GALNT13: variants seen among roughly 807,000 people sequenced by gnomAD.
The protein encoded by GALNT13 is polypeptide N-acetylgalactosaminyltransferase 13, also known as UDP-GalNAc:polypeptide N-acetylgalactosaminyltransferase 13.
In GALNT13, 28 loss-of-function variants were observed where a neutral mutation model predicts 64.2. The observed-to-expected ratio is 0.44, with a 90% CI of 0.32 to 0.60. The LOEUF is 0.60. GALNT13 is among the 20% of genes least tolerant of loss of function. The pLI is 0.05. For synonymous variants in GALNT13, 214 were observed against 224.6 expected (o/e 0.95, Z 0.42); for missense variants, 577 against 669.8 (o/e 0.86, Z 1.53).
the GALNT13 span, among the ~76,000 whole-genome samples, chr2:153,197,952 C>T: frequency 6.6e-6 from 1 of 152,184 alleles, no homozygotes; most frequent in Non-Finnish European, 1.5e-5. Context: ...CTTGGGCTCC[C>T]TTTGTCCTGG....
At chr2:153,479,454 A>G in the GALNT13 span, among the ~76,000 whole-genome samples, 1 of 152,174 alleles carries the variant, frequency 6.6e-6, no homozygotes, top group Non-Finnish European at 1.5e-5. Context: ...GGCAGGTTTT[A>G]CCGTGAGGTT....
At chr2:154,117,735 G>A (rs1172037361) in intron 3 of GALNT13, among the ~76,000 whole-genome samples, 1 of 152,132 alleles carries the variant, frequency 6.6e-6, no homozygotes, top group African/African-American at 2.4e-5. Flanking sequence ...CATAAAGTGG[G>A]GGAAAGGACT....
the GALNT13 span, among the ~76,000 whole-genome samples, chr2:153,352,719 T>C: frequency 6.6e-6 from 1 of 152,140 alleles, no homozygotes; most frequent in African/African-American, 2.4e-5. Flanking sequence ...TGCTATATTC[T>C]CTTCATTGTA....
intron 11 of GALNT13, among the ~76,000 whole-genome samples, chr2:154,410,358 A>C (rs1033009686): frequency 2.6e-5 from 4 of 151,952 alleles, no homozygotes; most frequent in Non-Finnish European, 4.4e-5. Context: ...TTAGGACCTC[A>C]ATGATTTCAT....
At chr2:153,561,324 C>T in the GALNT13 span, among the ~76,000 whole-genome samples, 1 of 151,796 alleles carries the variant, frequency 6.6e-6, no homozygotes, top group African/African-American at 2.4e-5. Flanking sequence ...AGAGGTGTTT[C>T]AGATTTCATT....
chr2:153,643,232 A>C, the GALNT13 span, among the ~76,000 whole-genome samples: 1 of 151,492 alleles, frequency 6.6e-6, no homozygotes. Context: ...TGTAATGACT[A>C]GTAAAATAAA....
At chr2:153,726,556 C>A in the GALNT13 span, among the ~76,000 whole-genome samples, 1 of 152,102 alleles carries the variant, frequency 6.6e-6, no homozygotes, top group East Asian at 1.9e-4. Context: ...AAACTTCTAC[C>A]TGCTTATTTT....
chr2:154,059,700 A>C (rs1341429930), intron 3 of GALNT13, among the ~76,000 whole-genome samples: 3 of 147,538 alleles, frequency 2.0e-5, no homozygotes, highest in African/African-American at 5.1e-5. Flanking sequence ...GGATTTTTGT[A>C]ATATATAGTT....
At chr2:153,189,298 G>C in the GALNT13 span, among the ~76,000 whole-genome samples, 1 of 151,972 alleles carries the variant, frequency 6.6e-6, no homozygotes, top group Non-Finnish European at 1.5e-5. Flanking sequence ...CATTTTTTTA[G>C]CTGTAACATA....
the GALNT13 span, among the ~76,000 whole-genome samples, chr2:153,491,684 G>A: frequency 5.9e-3 from 898 of 151,998 alleles, 7 homozygotes; most frequent in African/African-American, 0.02. Flanking sequence ...GCAGTGGCGT[G>A]ATCTTGGCTC....
At chr2:153,484,594 C>T in the GALNT13 span, among the ~76,000 whole-genome samples, 5 of 152,154 alleles carry the variant, frequency 3.3e-5, no homozygotes, top group Non-Finnish European at 7.4e-5. Flanking sequence ...ATGCAAACAC[C>T]CATTTTATCC....
At chr2:154,335,937 A>G (rs977896180) in intron 9 of GALNT13, among the ~76,000 whole-genome samples, 1 of 151,748 alleles carries the variant, frequency 6.6e-6, no homozygotes, top group Non-Finnish European at 1.5e-5. Flanking sequence ...AAATTTATGT[A>G]TTTTTTTTAG....
chr2:153,248,216 G>A, the GALNT13 span, among the ~76,000 whole-genome samples: 1 of 152,130 alleles, frequency 6.6e-6, no homozygotes, highest in African/African-American at 2.4e-5. Context: ...ATTTCATGAG[G>A]CCAGCATCAT....
At chr2:154,319,441 G>A (rs900643566) in intron 9 of GALNT13, among the ~76,000 whole-genome samples, 3 of 152,058 alleles carry the variant, frequency 2.0e-5, no homozygotes, top group African/African-American at 7.2e-5. Flanking sequence ...CGAGGTGGGT[G>A]GATCACTTGA....
chr2:153,707,117 A>G, the GALNT13 span, among the ~76,000 whole-genome samples: 5 of 152,112 alleles, frequency 3.3e-5, no homozygotes, highest in Admixed American at 1.3e-4. Context: ...CTTGCCTTCC[A>G]CCATGATTGT....
intron 4 of GALNT13, among the ~76,000 whole-genome samples, chr2:154,144,916 A>G (rs547121533): frequency 6.6e-6 from 1 of 151,636 alleles, no homozygotes; most frequent in South Asian, 2.1e-4. Context: ...ATGTAATCCT[A>G]ATTTTTTTGA....
At chr2:153,227,015 G>C in the GALNT13 span, among the ~76,000 whole-genome samples, 1 of 152,156 alleles carries the variant, frequency 6.6e-6, no homozygotes, top group South Asian at 2.1e-4. Flanking sequence ...TCTTGAAGGA[G>C]AGAGTGGGGC....
intron 11 of GALNT13, among the ~76,000 whole-genome samples, chr2:154,422,891 G>C (rs935756686): frequency 3.3e-5 from 5 of 152,050 alleles, no homozygotes; most frequent in Non-Finnish European, 5.9e-5. Context: ...AGTTAACCAA[G>C]TGACCCGTGA....
chr2:153,761,326 C>G, the GALNT13 span: 2 of 152,048 alleles, frequency 1.3e-5, no homozygotes, highest in African/African-American at 2.4e-5. Flanking sequence ...ATTTTAAAAA[C>G]ATTATTATAA....
Sources: gnomAD v4.1 joint callset for allele counts (sites outside exome capture counted in the v4.1 genomes callset) on GRCh38, gnomAD v4.1.1 for gene constraint, MANE v1.5 for transcripts, NCBI Gene and HGNC (gene_info 2026-07-23, HGNC 2026-07-21) for gene names.